Variants in NCAM2 observed in about 807,000 individuals in gnomAD.
NCAM2 encodes N-CAM-2.
A neutral mutation model predicts 98.1 loss-of-function variants in NCAM2; 30 were observed. The ratio of observed to expected loss-of-function variants is 0.31; its 90% CI spans 0.23 to 0.41. NCAM2 has a LOEUF of 0.41. Among genes scored for constraint, NCAM2 ranks in the 10% least tolerant of loss-of-function variants. The pLI, the probability that NCAM2 is intolerant of heterozygous loss-of-function variation, is 1.00. For missense variants in NCAM2, 867 were observed against 1,005.8 expected (o/e 0.86, Z 1.87); for synonymous variants, 368 against 342.4 (o/e 1.07, Z -0.83).
At chr21:21,427,682 T>G (rs1456650563) in intron 11 of NCAM2, among the ~76,000 whole-genome samples, 1 of 152,202 alleles carries the variant, frequency 6.6e-6, no homozygotes, top group African/African-American at 2.4e-5. Flanking sequence ...GTTCATTCAG[T>G]GACTCCAGAG....
chr21:21,213,551 G>T (rs1373009713), intron 1 of NCAM2, among the ~76,000 whole-genome samples: 2 of 152,056 alleles, frequency 1.3e-5, no homozygotes, highest in African/African-American at 4.8e-5. Context: ...ATGCTATTAG[G>T]AATAATGCTT....
chr21:21,220,824 T>C (rs2070117053), intron 1 of NCAM2, among the ~76,000 whole-genome samples: 2 of 152,204 alleles, frequency 1.3e-5, no homozygotes, highest in South Asian at 2.1e-4. Context: ...AAGCATACTT[T>C]GCTATCCTGA....
intron 7 of NCAM2, among the ~76,000 whole-genome samples, chr21:21,337,132 A>T (rs2074893852): frequency 6.6e-6 from 1 of 152,190 alleles, no homozygotes. Flanking sequence ...ATCATATTAG[A>T]AATAGTATTG....
intron 1 of NCAM2, among the ~76,000 whole-genome samples, chr21:21,278,318 A>G (rs533663225): frequency 6.6e-6 from 1 of 152,246 alleles, no homozygotes; most frequent in East Asian, 1.9e-4. Flanking sequence ...AGCTTCTTAT[A>G]AGGGCAATCT....
At chr21:21,210,762 G>A in intron 1 of NCAM2, 3 of 682,422 alleles carry the variant, frequency 4.4e-6, no homozygotes, top group Non-Finnish European at 6.1e-6. Context: ...GCAATGAGGT[G>A]GAGAACATCT....
At chr21:21,171,651 A>G (rs2068127635) in intron 1 of NCAM2, among the ~76,000 whole-genome samples, 1 of 152,170 alleles carries the variant, frequency 6.6e-6, no homozygotes, top group African/African-American at 2.4e-5. Context: ...ATTTGATGCT[A>G]CCATTTTTCG....
intron 1 of NCAM2, among the ~76,000 whole-genome samples, chr21:21,182,478 C>G (rs1396212326): frequency 6.6e-6 from 1 of 152,160 alleles, no homozygotes; most frequent in African/African-American, 2.4e-5. Context: ...CAGTTTTACT[C>G]TGGTCTTAAG....
chr21:21,174,666 TGCTTGTC>T (rs540811490), intron 1 of NCAM2, among the ~76,000 whole-genome samples: 74 of 152,148 alleles, frequency 4.9e-4, no homozygotes, highest in African/African-American at 1.6e-3. Flanking sequence ...TCCTGTTAGG[TGCTTGTC>T]AGGGAACAAA....
intron 1 of NCAM2, among the ~76,000 whole-genome samples, chr21:21,026,499 T>C (rs7277709): frequency 0.012 from 1,837 of 151,994 alleles, 32 homozygotes; most frequent in African/African-American, 0.042. Context: ...GTGGCAGGCT[T>C]CTGTCATCCC....
chr21:21,474,175 T>A (rs1984848006), intron 14 of NCAM2, among the ~76,000 whole-genome samples: 1 of 152,006 alleles, frequency 6.6e-6, no homozygotes, highest in Non-Finnish European at 1.5e-5. Context: ...CACTTTAATT[T>A]TTTTCCTATT....
chr21:21,501,617 C>CTTTTTTTTTTT, intron 15 of NCAM2, among the ~76,000 whole-genome samples: 1 of 143,992 alleles, frequency 6.9e-6, no homozygotes, highest in Non-Finnish European at 1.5e-5. Context: ...ATTAATGTTC[C>CTTTTTTTTTTT]TTTTTTTTTT....
chr21:21,133,570 GTATTAAT>G (rs918106410), intron 1 of NCAM2, among the ~76,000 whole-genome samples: 1 of 152,148 alleles, frequency 6.6e-6, no homozygotes, highest in Non-Finnish European at 1.5e-5. Context: ...AACAACTGTG[GTATTAAT>G]TAGTCATCAC....
intron 1 of NCAM2, among the ~76,000 whole-genome samples, chr21:21,056,904 T>C (rs561665956): frequency 1.3e-5 from 2 of 152,258 alleles, no homozygotes; most frequent in Admixed American, 6.5e-5. Context: ...TGAGCCTTCA[T>C]AGTCTTTGCT....
intron 1 of NCAM2, among the ~76,000 whole-genome samples, chr21:21,208,767 A>G (rs1172603286): frequency 2.6e-5 from 4 of 152,194 alleles, no homozygotes; most frequent in South Asian, 2.1e-4. Context: ...ATAAGTGACA[A>G]TTTAATTCTT....
chr21:21,227,884 A>T (rs1487589806), intron 1 of NCAM2, among the ~76,000 whole-genome samples: 1 of 151,872 alleles, frequency 6.6e-6, no homozygotes, highest in Non-Finnish European at 1.5e-5. Flanking sequence ...GAGAAATATA[A>T]GTGATCTTTT....
chr21:21,445,421 T>C (rs571465327), intron 12 of NCAM2, among the ~76,000 whole-genome samples: 1 of 152,258 alleles, frequency 6.6e-6, no homozygotes, highest in Admixed American at 6.5e-5. Context: ...TTGTCTAATA[T>C]TGTCATTGGG....
At chr21:21,378,983 T>C (rs922532638) in intron 9 of NCAM2, among the ~76,000 whole-genome samples, 3 of 152,122 alleles carry the variant, frequency 2.0e-5, no homozygotes, top group African/African-American at 7.2e-5. Flanking sequence ...TGAAAAAATA[T>C]TACCTAATTT....
In NCAM2 at chr21:21,376,421, T is replaced by A. The variant is rs185923653; in HGVS notation, c.1195+2408T>A. On this transcript the variant is annotated intron_variant, in intron 9 of 17. Transcript: ENST00000400546. The stretch of plus-strand genomic sequence containing the variant: ...AGATGAATAAAACATAGCTCCTCCT[T>A]TATTAGAAGTCTACCATCAACAGGA... Among the ~76,000 whole-genome samples the A allele has an allele frequency of 1.4e-4, 22 of 151,932 alleles. No homozygotes were observed. In the East Asian group the frequency reaches 4.2e-3, roughly 29 times the overall value.
At chr21:21,012,345 T>C (rs778872585) in intron 1 of NCAM2, among the ~76,000 whole-genome samples, 2 of 152,192 alleles carry the variant, frequency 1.3e-5, no homozygotes, top group Non-Finnish European at 2.9e-5. Context: ...GCTTTTCTTA[T>C]TGTGAATCAC....
Sources: allele counts gnomAD v4.1 joint callset (sites outside exome capture counted in the v4.1 genomes callset), GRCh38; gene constraint gnomAD v4.1.1; transcripts MANE v1.5; gene names NCBI Gene and HGNC (gene_info 2026-07-23, HGNC 2026-07-21).